Variants in SEL1L observed in about 807,000 individuals in gnomAD.
SEL1L encodes protein sel-1 homolog 1.
A neutral mutation model predicts 109.8 loss-of-function variants in SEL1L; 52 were observed. The ratio of observed to expected loss-of-function variants is 0.47; its 90% confidence interval spans 0.38 to 0.60. The LOEUF is 0.60. Ranked by LOEUF, SEL1L falls within the 20% of genes least tolerant of loss-of-function variation. The pLI, the probability that SEL1L is intolerant of heterozygous loss-of-function variation, is 0.00. For synonymous variants in SEL1L, 373 were observed against 339.6 expected, an observed-to-expected ratio of 1.10 and a Z score of -1.08; for missense variants, 749 against 962.2, an observed-to-expected ratio of 0.78 and a Z score of 2.93.
intron 1 of SEL1L, among the ~76,000 whole-genome samples, chr14:81,533,206 T>C (rs903459109): frequency 1.6e-4 from 24 of 152,144 alleles, no homozygotes; most frequent in Non-Finnish European, 3.4e-4. Context: ...CCAGGGACCA[T>C]CTCAGGTGTT....
rs781144376 is a variant in SEL1L at position 81,487,408 on chromosome 14, T to C, written c.1614A>G (p.Ser538=). The stretch of plus-strand genomic sequence containing the variant: ...ACCTTACCTCCACTGCAGTGTGACA[T>C]GATCGCATCACGCCGGTGCCACTGG... ...MHASGTGVMR[S]CHTAVELFKN... Residue 538 remains serine, a synonymous_variant, in exon 16 of 21, where the codon TCA becomes TCG. Transcript: ENST00000336735. 5.0e-6 allele frequency: 8 copies of C among 1,591,654 alleles called. No homozygotes were observed. The highest frequency in any genetic ancestry group is 6.8e-6 in the Non-Finnish European group (8 of 1,174,826).
chr14:81,480,924 T>C (rs1201667865), intron 19 of SEL1L, among the ~76,000 whole-genome samples: 1 of 152,094 alleles, frequency 6.6e-6, no homozygotes, highest in East Asian at 1.9e-4. Flanking sequence ...GTGCATTGTC[T>C]TGGGGTGTAA....
chr14:81,498,516 GGAGGC>G, intron 8 of SEL1L, 22 bp from the exon 9 acceptor site: 1 of 1,577,692 alleles, frequency 6.3e-7, no homozygotes, highest in Non-Finnish European at 8.7e-7. Flanking sequence ...CTTCACGTGA[GGAGGC>G]AGCAGTTTCA....
chr14:81,479,459 TA>T, intron 20 of SEL1L, 152 bp downstream of exon 20: 1 of 590,258 alleles, frequency 1.7e-6, no homozygotes, highest in Non-Finnish European at 2.6e-6. Context: ...CCTCCCCTGA[TA>T]AGGTCCTCGG....
intron 6 of SEL1L, among the ~76,000 whole-genome samples, chr14:81,500,382 G>C (rs1260519283): frequency 6.6e-6 from 1 of 151,846 alleles, no homozygotes; most frequent in African/African-American, 2.4e-5. Flanking sequence ...TACAGGTGCC[G>C]CCACCATGCC....
At chr14:81,518,521 G>A (rs979173321) in intron 3 of SEL1L, among the ~76,000 whole-genome samples, 2 of 151,654 alleles carry the variant, frequency 1.3e-5, no homozygotes, top group Admixed American at 1.3e-4. Context: ...TTAGCTGGGT[G>A]TGGTGGCAGG....
intron 12 of SEL1L, among the ~76,000 whole-genome samples, chr14:81,491,623 A>C (rs912170228): frequency 2.6e-5 from 4 of 152,230 alleles, no homozygotes; most frequent in African/African-American, 9.6e-5. Flanking sequence ...TATTCCATCT[A>C]AACTTCCTTA....
intron 11 of SEL1L, 96 bp downstream of exon 11, chr14:81,494,985 G>C (rs1883685215): frequency 8.4e-7 from 1 of 1,194,646 alleles, no homozygotes; most frequent in Non-Finnish European, 1.2e-6. Flanking sequence ...TTAAATGACA[G>C]AAGTTTGATA....
rs1422048003 is a variant in SEL1L at position 81,526,811 on chromosome 14, T to G, written c.262A>C (p.Thr88Pro). 1.2e-6 allele frequency: 2 copies of G among 1,607,654 alleles called. No homozygotes were observed. The highest frequency in any genetic ancestry group is 1.1e-5 in the South Asian group (1 of 89,664). The change falls in exon 3 of 21, where the codon ACA becomes CCA. Residue 88 changes from threonine to proline, a missense_variant. Thr to Pro is a conservative substitution (Grantham distance 38, BLOSUM62 -1). Coordinates refer to ENST00000336735, the MANE Select transcript of SEL1L (RefSeq NM_005065.6). ...GACTCTAGAAAGCTGATATCTTCTG[T>G]GACACTTTCCCCCTCTTGGCTCTTG... ...SLKSQEGESVTEDISFLESPN... is the reference protein window; with the variant it reads ...SLKSQEGESVPEDISFLESPN...
At chr14:81,498,537 T>C (rs201148997) in intron 8 of SEL1L, 43 bp from the exon 9 acceptor site, 1 of 1,395,682 alleles carries the variant, frequency 7.2e-7, no homozygotes, top group South Asian at 1.2e-5. Flanking sequence ...TTTCATGTAC[T>C]TCAGTGTCAT....
rs1227927794 is a variant in SEL1L at position 81,487,468 on chromosome 14, A to G, written c.1554T>C (p.His518=). 2.5e-6 allele frequency: 4 copies of G among 1,610,432 alleles called. No individual in the cohort carries two copies. Among genetic ancestry groups the G allele is most frequent in the Non-Finnish European group, 3.4e-6 (4 of 1,179,278 alleles). ...KYFNLASQGG[H]ILAFYNLAQM... is the part of the protein sequence containing the mutation. ...GAGCTAGGTTATAGAAAGCCAAGATATGGCCTCCCTGAGAAGCTAAATTAA... is the reference window on the plus strand; with the variant it reads ...GAGCTAGGTTATAGAAAGCCAAGATGTGGCCTCCCTGAGAAGCTAAATTAA... The change falls in exon 16 of 21, where the codon CAT becomes CAC. Residue 518 remains histidine, a synonymous_variant. Coordinates refer to ENST00000336735, the MANE Select transcript of SEL1L (RefSeq NM_005065.6).
chr14:81,503,582 A>G (rs1884108349), intron 5 of SEL1L, among the ~76,000 whole-genome samples: 1 of 152,152 alleles, frequency 6.6e-6, no homozygotes, highest in African/African-American at 2.4e-5. Flanking sequence ...CATATAAGGT[A>G]CCAGTTCTCC....
intron 12 of SEL1L, among the ~76,000 whole-genome samples, chr14:81,491,659 A>T (rs182225387): frequency 6.6e-6 from 1 of 152,340 alleles, no homozygotes; most frequent in Admixed American, 6.5e-5. Flanking sequence ...ATAAGTGAAA[A>T]TACCCATTGA....
At chr14:81,502,163 C>G (rs1004803074) in intron 6 of SEL1L, among the ~76,000 whole-genome samples, 1 of 151,986 alleles carries the variant, frequency 6.6e-6, no homozygotes, top group Non-Finnish European at 1.5e-5. Context: ...GAACAATAGA[C>G]AGTGATATCT....
chr14:81,498,486 T>C lies in SEL1L; in HGVS notation c.900A>G (p.Arg300=). Residue 300 remains arginine (R), a synonymous_variant, in exon 9 of 21, where the codon AGA becomes AGG. Transcript: ENST00000336735. ...GGAGGACGCCGATGCCAGCCCAGTATCTGTAACCCTGTAAAACAACTTCAC... is the reference window on the plus strand; with the variant it reads ...GGAGGACGCCGATGCCAGCCCAGTACCTGTAACCCTGTAAAACAACTTCAC... ...NLIAHMVLGY[R]YWAGIGVLQS... 6.2e-7 allele frequency: 1 copy of C among 1,613,736 alleles called. No homozygotes were observed. The highest frequency in any genetic ancestry group is 8.5e-7 in the Non-Finnish European group (1 of 1,179,816).
rs375310036 is a variant in SEL1L, at chr14:81,497,086, C to T, written c.1128+806G>A. The stretch of plus-strand genomic sequence containing the variant: ...CAAGATACACAGAAAGCAAGTAAAA[C>T]AGAAAATTTTAAGTAAACTAAATTT... On this transcript the variant is annotated intron_variant, in intron 10 of 20. Coordinates refer to ENST00000336735, the MANE Select transcript of SEL1L (RefSeq NM_005065.6). Among the ~76,000 whole-genome samples the T allele has an allele frequency of 1.9e-4, 29 of 152,244 alleles. No homozygotes were observed. The East Asian group carries it at 1.9e-3, about 10-fold the overall frequency.
chr14:81,489,763 ATATACT>A (rs1371840453), intron 13 of SEL1L, among the ~76,000 whole-genome samples: 1 of 152,194 alleles, frequency 6.6e-6, no homozygotes, highest in Admixed American at 6.5e-5. Flanking sequence ...GGTGACAAAG[ATATACT>A]TAGGATTATT....
At chr14:81,500,587 T>A (rs1306735401) in intron 6 of SEL1L, among the ~76,000 whole-genome samples, 4 of 152,158 alleles carry the variant, frequency 2.6e-5, no homozygotes, top group Non-Finnish European at 5.9e-5. Flanking sequence ...AATTTAATAC[T>A]AACTAGAAAG....
chr14:81,486,460 T>C lies in SEL1L; in HGVS notation c.1633-6A>G. 5 of 1,610,318 alleles carry C rather than the reference T, an allele frequency of 3.1e-6. No homozygotes were observed. The highest frequency in any genetic ancestry group is 4.2e-6 in the Non-Finnish European group (5 of 1,178,202). The stretch of plus-strand genomic sequence containing the variant: ...TCACATACATTCTTAAACAACTGTG[T>C]GAGGTGGGGAAAAAAAATATCAGTA... On this transcript the variant is annotated splice_region_variant and splice_polypyrimidine_tract_variant and intron_variant, in intron 16 of 20. Transcript: ENST00000336735.
Sources: allele counts gnomAD v4.1 joint callset (sites outside exome capture counted in the v4.1 genomes callset), GRCh38; gene constraint gnomAD v4.1.1; transcripts MANE v1.5; gene names NCBI Gene and HGNC (gene_info 2026-07-23, HGNC 2026-07-21).